The following BMS1 variants were observed in gnomAD, a reference collection of about 807,000 sequenced individuals.
BMS1 encodes ribosome biogenesis protein BMS1 homolog.
In BMS1, 53 loss-of-function variants were observed where a neutral mutation model predicts 138.7. The observed-to-expected ratio is 0.38, with a 90% CI of 0.31 to 0.48. The LOEUF (loss-of-function observed/expected upper bound fraction) is 0.48, where lower values mean the gene tolerates loss of function less well. BMS1 is among the 20% of genes least tolerant of loss of function. BMS1 has a pLI of 0.97. For synonymous variants in BMS1, 504 were observed against 539.9 expected (o/e 0.93, Z 0.92); for missense variants, 1,360 against 1,565.5 (o/e 0.87, Z 2.22).
At chr10:42,814,216 T>A (rs1463842992) in intron 13 of BMS1, among the ~76,000 whole-genome samples, 1 of 152,232 alleles carries the variant, frequency 6.6e-6, no homozygotes, top group Non-Finnish European at 1.5e-5. Flanking sequence ...GGGACTCAGA[T>A]AACATAAATG....
At chr10:42,822,354 A>G (rs2900818) in intron 19 of BMS1, among the ~76,000 whole-genome samples, 170 bp downstream of exon 19, 6 of 152,240 alleles carry the variant, frequency 3.9e-5, no homozygotes, top group East Asian at 1.9e-4. Context: ...AATATGCTCT[A>G]AAAAGCAGTG....
chr10:42,805,956 C>T (rs561140631), intron 13 of BMS1, among the ~76,000 whole-genome samples: 5 of 152,208 alleles, frequency 3.3e-5, no homozygotes, highest in East Asian at 1.9e-4. Context: ...GCCATTATCA[C>T]GCCTGGCTAG....
intron 4 of BMS1, among the ~76,000 whole-genome samples, chr10:42,789,456 G>A (rs966728933): frequency 6.6e-6 from 1 of 152,090 alleles, no homozygotes; most frequent in Non-Finnish European, 1.5e-5. Context: ...GAACAGAAAT[G>A]TTTTTAATAC....
In BMS1 at chr10:42,822,841, GT is replaced by G. The variant is rs1842539586; in HGVS notation, c.3133-275del. Reference sequence around the variant, plus strand: ...ATGCCAGGAAAGGCTGCCTAGGCCAGTTCAGTCCAGTAAATCCCTCTTCGAT... The same window carrying G: ...ATGCCAGGAAAGGCTGCCTAGGCCAGTCAGTCCAGTAAATCCCTCTTCGAT... On this transcript the variant is annotated intron_variant, in intron 19 of 22. Transcript: ENST00000374518. 2.6e-5 allele frequency among the ~76,000 whole-genome samples: 4 copies of G among 152,352 alleles called. No homozygotes were observed. The South Asian group carries it at 8.3e-4, about 32-fold the overall frequency.
At position 42,834,041 on chromosome 10, in the gene BMS1, A is replaced by G. The variant is rs1303122273; in HGVS notation, c.*2945A>G. 1 of 152,244 alleles carries G rather than the reference A, an allele frequency of 6.6e-6. No homozygotes were observed. Among genetic ancestry groups the G allele is most frequent in the East Asian group, 1.9e-4 (1 of 5,202 alleles). The allele number at this position is 152,244 out of a possible 1,614,324, so 9.4% of individuals were successfully genotyped here. ...ACAATGTTTATAGAAACCTTTCTCA[A>G]TTGTATTAAACTTTGTAAATTGTAA... On this transcript the variant is annotated 3_prime_UTR_variant, in exon 23 of 23. Coordinates refer to ENST00000374518, the MANE Select transcript of BMS1 (RefSeq NM_014753.4).
At chr10:42,792,835 T>C (rs1011543324) in intron 7 of BMS1, 122 bp from the exon 8 acceptor site, 1 of 1,318,198 alleles carries the variant, frequency 7.6e-7, no homozygotes, top group African/African-American at 1.5e-5. Flanking sequence ...TGTGGCACAA[T>C]GCCCTTCTTT....
chr10:42,784,016 A>C (rs1589126849), intron 1 of BMS1, among the ~76,000 whole-genome samples: 1 of 152,210 alleles, frequency 6.6e-6, no homozygotes, highest in Non-Finnish European at 1.5e-5. Flanking sequence ...AGTTTCCCTA[A>C]GTATATTGTA....
At chr10:42,815,486 T>C (rs1048441521) in intron 13 of BMS1, among the ~76,000 whole-genome samples, 1 of 152,258 alleles carries the variant, frequency 6.6e-6, no homozygotes, top group Non-Finnish European at 1.5e-5. Flanking sequence ...TACCTGGTTC[T>C]TTGGCCCTTA....
intron 15 of BMS1, 43 bp downstream of exon 15, chr10:42,817,537 A>G (rs1842383965): frequency 1.9e-6 from 3 of 1,556,250 alleles, no homozygotes; most frequent in East Asian, 2.3e-5. Flanking sequence ...CAAGACTATC[A>G]TATAGCGCAG....
chr10:42,814,695 T>A (rs1842288287), intron 13 of BMS1, among the ~76,000 whole-genome samples: 1 of 152,182 alleles, frequency 6.6e-6, no homozygotes, highest in South Asian at 2.1e-4. Context: ...CATGGTGTTA[T>A]TTTGGTCTGT....
rs1564431772 is a variant in BMS1 at position 42,823,857 on chromosome 10, T to A, written c.3456+73T>A. 14 of 1,236,608 alleles carry A rather than the reference T, an allele frequency of 1.1e-5. No individual in the cohort carries two copies. In the South Asian group the frequency reaches 3.5e-4, roughly 31 times the overall value. 76.6% of individuals were successfully genotyped at this position (1,236,608 alleles called of 1,614,324 possible). ...ACAGGGAGTCACACAGACACTTTTCTATAATTTCTTACATGCTTTGAATGT... is the reference window on the plus strand; with the variant it reads ...ACAGGGAGTCACACAGACACTTTTCAATAATTTCTTACATGCTTTGAATGT... On this transcript the variant is annotated intron_variant, in intron 21 of 22. Transcript: ENST00000374518.
At chr10:42,793,180 C>T in intron 8 of BMS1, 36 bp downstream of exon 8, 1 of 1,531,504 alleles carries the variant, frequency 6.5e-7, no homozygotes, top group Non-Finnish European at 8.8e-7. Flanking sequence ...TCTGAACTTT[C>T]AGTATTCTTT....
intron 19 of BMS1, among the ~76,000 whole-genome samples, chr10:42,822,580 G>T (rs1288319430): frequency 6.6e-6 from 1 of 152,186 alleles, no homozygotes; most frequent in Non-Finnish European, 1.5e-5. Context: ...AGACAACTTG[G>T]CAAGGTTACA....
chr10:42,817,864 G>A (rs1169634052), intron 15 of BMS1, among the ~76,000 whole-genome samples: 1 of 152,324 alleles, frequency 6.6e-6, no homozygotes, highest in Non-Finnish European at 1.5e-5. Flanking sequence ...TGATTTGAAT[G>A]GCAGGTGATC....
intron 3 of BMS1, among the ~76,000 whole-genome samples, chr10:42,786,886 T>C (rs1322991033): frequency 6.6e-6 from 1 of 152,240 alleles, no homozygotes; most frequent in African/African-American, 2.4e-5. Flanking sequence ...AGCAGGATCA[T>C]GGTTATCATG....
At position 42,790,433 on chromosome 10, in the gene BMS1, C is replaced by T. The variant is rs757687824; in HGVS notation, c.558C>T (p.Leu186=). ...AAATTATGGGAGTTCTCACCCACCT[C>T]GACTCCTTCAAGCATAATAAGCAAC... ...FPKIMGVLTH[L]DSFKHNKQLK... Residue 186 remains leucine, a synonymous_variant, in exon 5 of 23, where the codon CTC becomes CTT. Transcript: ENST00000374518. 4.3e-6 allele frequency: 7 copies of T among 1,613,772 alleles called. No individual in the cohort carries two copies. Among genetic ancestry groups the T allele is most frequent in the South Asian group, 1.1e-5 (1 of 91,066 alleles).
intron 13 of BMS1, among the ~76,000 whole-genome samples, chr10:42,810,703 A>G (rs1842146617): frequency 6.6e-6 from 1 of 152,088 alleles, no homozygotes; most frequent in Non-Finnish European, 1.5e-5. Context: ...CAGATTATCT[A>G]TTTCATCTTG....
At chr10:42,806,771 A>G (rs981719815) in intron 13 of BMS1, among the ~76,000 whole-genome samples, 8 of 147,738 alleles carry the variant, frequency 5.4e-5, no homozygotes, top group Non-Finnish European at 9.0e-5. Context: ...CACCTTTTCT[A>G]TTTCCAAAAG....
intron 12 of BMS1, among the ~76,000 whole-genome samples, chr10:42,801,326 C>T (rs1841870479): frequency 1.3e-5 from 2 of 152,340 alleles, no homozygotes; most frequent in South Asian, 4.1e-4. Flanking sequence ...CATAATTACT[C>T]ATTTGCTTTA....
Sources: allele counts gnomAD v4.1 joint callset (sites outside exome capture counted in the v4.1 genomes callset), GRCh38; gene constraint gnomAD v4.1.1; transcripts MANE v1.5; gene names NCBI Gene and HGNC (gene_info 2026-07-23, HGNC 2026-07-21).